The following SEZ6L variants were observed in gnomAD, a reference collection of about 807,000 sequenced individuals.
The protein encoded by SEZ6L is seizure related 6 homolog like, also known as seizure 6-like protein.
Under a neutral mutation model 106.2 loss-of-function variants are expected in SEZ6L, and 37 were observed. The observed-to-expected ratio is 0.35, with a 90% CI of 0.27 to 0.46. The LOEUF is 0.46. Among genes scored for constraint, SEZ6L ranks in the 20% least tolerant of loss-of-function variants. The probability of loss-of-function intolerance (pLI) is 1.00; values close to 1 mark genes in which losing one functional copy is unlikely to be tolerated. For missense variants in SEZ6L, 1,172 were observed against 1,332.8 expected, an observed-to-expected ratio of 0.88 and a Z score of 1.88; for synonymous variants, 541 against 570.4, an observed-to-expected ratio of 0.95 and a Z score of 0.73.
intron 4 of SEZ6L, 147 bp from the exon 5 acceptor site, chr22:26,298,837 G>A (rs1327205488): frequency 1.5e-6 from 1 of 648,662 alleles, no homozygotes. Context: ...ATCAAAGAGA[G>A]TCACAAAAAT....
intron 1 of SEZ6L, among the ~76,000 whole-genome samples, chr22:26,233,684 G>A (rs1158814716): frequency 6.6e-6 from 1 of 152,194 alleles, no homozygotes; most frequent in Non-Finnish European, 1.5e-5. Flanking sequence ...CTACATGCAA[G>A]CCTCTGGTCT....
chr22:26,304,417 A>AAAGAAAGAAAGAAAGG (rs1569454485), intron 5 of SEZ6L, among the ~76,000 whole-genome samples: 1 of 149,798 alleles, frequency 6.7e-6, no homozygotes, highest in African/African-American at 2.5e-5. Flanking sequence ...AGAAAGAAAG[A>AAAGAAAGAAAGAAAGG]AAGAAAGAAA....
At chr22:26,350,021 G>C (rs2083219561) in intron 11 of SEZ6L, among the ~76,000 whole-genome samples, 1 of 151,920 alleles carries the variant, frequency 6.6e-6, no homozygotes, top group Non-Finnish European at 1.5e-5. Flanking sequence ...CAGTTGCTCA[G>C]AATTTCATGG....
chr22:26,292,573 A>G lies in SEZ6L; in HGVS notation c.262A>G (p.Thr88Ala), dbSNP rs752005755. The G allele has an allele frequency of 4.3e-6, 7 of 1,613,532 alleles. No homozygotes were observed. The highest frequency in any genetic ancestry group is 3.3e-5 in the South Asian group (3 of 90,988). Reference sequence around the variant, plus strand: ...GCTGGGCGAGCTGGTGCTGGATGGGACCGCACCCTCTGCACATCACGACAT... The same window carrying G: ...GCTGGGCGAGCTGGTGCTGGATGGGGCCGCACCCTCTGCACATCACGACAT... ...EVLGELVLDG[T>A]APSAHHDIPA... Residue 88 changes from threonine to alanine, a missense_variant, in exon 2 of 17, where the codon ACC becomes GCC. By Grantham distance (58) the Thr-to-Ala change is moderately conservative. Transcript: ENST00000248933.
Position 26,348,543 on chromosome 22 carries a change from A to G in SEZ6L, c.2407+630A>G, listed in dbSNP as rs1393427258. 1.5e-4 allele frequency among the ~76,000 whole-genome samples: 14 copies of G among 94,854 alleles called. 1 individual carries two copies. Among genetic ancestry groups the G allele is most frequent in the South Asian group, 4.2e-4 (1 of 2,386 alleles). 62.2% of individuals were successfully genotyped at this position (94,854 alleles called of 152,430 possible). ...GAAGGAAGGAAGGAAGGAAGGAAGG[A>G]AGGAAGGAAGGAAGGAAGGGAGGAA... is the stretch of plus-strand genomic sequence containing the variant. On this transcript the variant is annotated intron_variant, in intron 11 of 16. Coordinates refer to ENST00000248933, the MANE Select transcript of SEZ6L (RefSeq NM_021115.5).
intron 1 of SEZ6L, among the ~76,000 whole-genome samples, chr22:26,219,121 CT>C (rs2078382503): frequency 6.6e-6 from 1 of 152,202 alleles, no homozygotes; most frequent in Non-Finnish European, 1.5e-5. Flanking sequence ...TACATCACTT[CT>C]TTAAGCCTGA....
At chr22:26,342,879 G>C (rs1402371497) in intron 10 of SEZ6L, among the ~76,000 whole-genome samples, 1 of 152,154 alleles carries the variant, frequency 6.6e-6, no homozygotes, top group Non-Finnish European at 1.5e-5. Context: ...ACCATGGGCT[G>C]TTTCAAGAAG....
At chr22:26,176,149 C>T (rs1259966549) in intron 1 of SEZ6L, among the ~76,000 whole-genome samples, 1 of 152,212 alleles carries the variant, frequency 6.6e-6, no homozygotes, top group East Asian at 1.9e-4. Flanking sequence ...GTATGATAAA[C>T]TAGATTTTAC....
At chr22:26,263,072 T>C (rs2080068642) in intron 1 of SEZ6L, among the ~76,000 whole-genome samples, 1 of 152,150 alleles carries the variant, frequency 6.6e-6, no homozygotes, top group Non-Finnish European at 1.5e-5. Flanking sequence ...TAAATTCCTA[T>C]GGAAAGGACT....
chr22:26,266,574 AAAATAAATAAATAAAT>A (rs55949237), intron 1 of SEZ6L, among the ~76,000 whole-genome samples: 45,598 of 144,516 alleles, frequency 0.32, 7,764 homozygotes, highest in African/African-American at 0.46. Context: ...CTCCGTCTCA[AAAATAAATAAATAAAT>A]AAATAAATAA....
At chr22:26,254,055 T>A (rs1380931701) in intron 1 of SEZ6L, 1 of 152,192 alleles carries the variant, frequency 6.6e-6, no homozygotes, top group African/African-American at 2.4e-5. Flanking sequence ...CAACTACCCT[T>A]GAGGGACCAC....
intron 1 of SEZ6L, among the ~76,000 whole-genome samples, chr22:26,226,705 T>G (rs2078644177): frequency 6.6e-6 from 1 of 152,172 alleles, no homozygotes; most frequent in African/African-American, 2.4e-5. Flanking sequence ...AATGGCTGAA[T>G]TTCCAGCCTT....
At chr22:26,353,695 TG>T (rs1285265311) in intron 12 of SEZ6L, among the ~76,000 whole-genome samples, 22 of 152,272 alleles carry the variant, frequency 1.4e-4, no homozygotes, top group African/African-American at 5.3e-4. Context: ...TCCTAACCCA[TG>T]GTATCTGTAA....
At chr22:26,175,125 A>G (rs1361444823) in intron 1 of SEZ6L, among the ~76,000 whole-genome samples, 1 of 152,202 alleles carries the variant, frequency 6.6e-6, no homozygotes, top group Non-Finnish European at 1.5e-5. Context: ...GATGGTTCAT[A>G]GGAAGGGATG....
chr22:26,305,256 G>GAA (rs1378528996), intron 5 of SEZ6L, among the ~76,000 whole-genome samples: 1 of 152,066 alleles, frequency 6.6e-6, no homozygotes, highest in Non-Finnish European at 1.5e-5. Flanking sequence ...AAACAAGATA[G>GAA]CCATGAATAT....
In SEZ6L at chr22:26,292,693, G is replaced by T. The variant is rs759108165; in HGVS notation, c.382G>T (p.Ala128Ser). The T allele has an allele frequency of 6.2e-7, 1 of 1,613,620 alleles. No homozygotes were observed. The highest frequency in any genetic ancestry group is 8.5e-7 in the Non-Finnish European group (1 of 1,179,946). The change falls in exon 2 of 17, where the codon GCC (alanine) becomes TCC (serine). Residue 128 changes from alanine (A) to serine (S), a missense_variant. Ala to Ser is a moderately conservative substitution (Grantham distance 99). Around this residue, in one of 4 missense-constraint regions of SEZ6L, gnomAD observed 494 missense variants for 445.8 expected, o/e 1.11. Transcript: ENST00000248933. ...GCCTTCGCTCAAGCAGGTGAACTCT[G>T]CCAGGAAGCAGCTGAGGCCCAAGGC... ...KLPSLKQVNS[A>S]RKQLRPKATS...
chr22:26,320,927 C>T (rs573510157), intron 9 of SEZ6L, among the ~76,000 whole-genome samples: 1 of 152,210 alleles, frequency 6.6e-6, no homozygotes, highest in African/African-American at 2.4e-5. Context: ...CAGTCCCCAC[C>T]ACAAAGAATG....
At chr22:26,201,595 G>A (rs1196657141) in intron 1 of SEZ6L, among the ~76,000 whole-genome samples, 12 of 151,772 alleles carry the variant, frequency 7.9e-5, no homozygotes, top group Admixed American at 4.6e-4. Flanking sequence ...AAAATAAAAC[G>A]TATCTGGAGG....
intron 1 of SEZ6L, among the ~76,000 whole-genome samples, chr22:26,177,221 T>G (rs1939074299): frequency 6.6e-6 from 1 of 152,130 alleles, no homozygotes; most frequent in Non-Finnish European, 1.5e-5. Context: ...ATAATAATAG[T>G]GTCCAACCTC....
Sources: allele counts gnomAD v4.1 joint callset (sites outside exome capture counted in the v4.1 genomes callset), GRCh38; gene constraint gnomAD v4.1.1; regional missense constraint gnomAD v4.1.1; transcripts MANE v1.5; gene names NCBI Gene and HGNC (gene_info 2026-07-23, HGNC 2026-07-21).